The following RMDN2 variants were observed in gnomAD, a reference collection of about 807,000 sequenced individuals.
RMDN2 encodes regulator of microtubule dynamics protein 2.
RMDN2 carries 61 observed loss-of-function variants against 52.8 expected under a neutral mutation model. The ratio of observed to expected loss-of-function variants is 1.16; its 90% CI spans 0.94 to 1.43. The LOEUF (loss-of-function observed/expected upper bound fraction) is 1.43, where lower values mean the gene tolerates loss of function less well. RMDN2 is among the 40% of genes most tolerant of loss of function. The pLI is 0.00. For missense variants in RMDN2, 592 were observed against 475.3 expected, an observed-to-expected ratio of 1.25 and a Z score of -2.28; for synonymous variants, 180 against 153.1, an observed-to-expected ratio of 1.18 and a Z score of -1.30.
intron 1 of RMDN2, 93 bp downstream of exon 1, chr2:37,925,518 G>T (rs999582427): frequency 2.0e-5 from 3 of 152,686 alleles, no homozygotes; most frequent in African/African-American, 7.2e-5. Flanking sequence ...TTGCGGTGGG[G>T]GCGACTGCAC....
At chr2:38,056,921 G>C (rs1283437269) in intron 10 of RMDN2, among the ~76,000 whole-genome samples, 1 of 152,076 alleles carries the variant, frequency 6.6e-6, no homozygotes, top group Non-Finnish European at 1.5e-5. Flanking sequence ...GCCTCCACTT[G>C]CAATATGGAA....
At chr2:37,950,650 T>C (rs766754226) in intron 2 of RMDN2, 54 of 1,568,862 alleles carry the variant, frequency 3.4e-5, no homozygotes, top group Non-Finnish European at 4.2e-5. Context: ...AAAATATTCA[T>C]AAACGAAGCT....
chr2:37,979,743 A>G (rs1203614773), intron 4 of RMDN2, among the ~76,000 whole-genome samples: 2 of 152,236 alleles, frequency 1.3e-5, no homozygotes, highest in African/African-American at 4.8e-5. Flanking sequence ...TCTAGTTTGT[A>G]TACTACCCGG....
intron 2 of RMDN2, among the ~76,000 whole-genome samples, chr2:37,948,280 C>A (rs1281938687): frequency 2.0e-5 from 3 of 152,154 alleles, no homozygotes; most frequent in Non-Finnish European, 4.4e-5. Context: ...AAGCTTTGTT[C>A]TAGAAGATTT....
intron 10 of RMDN2, among the ~76,000 whole-genome samples, chr2:38,053,445 G>A (rs1681715787): frequency 1.3e-5 from 2 of 152,180 alleles, no homozygotes; most frequent in African/African-American, 4.8e-5. Flanking sequence ...AAATGCTGCT[G>A]AAGAAAGTGT....
At chr2:37,972,090 C>T (rs1191252855) in intron 2 of RMDN2, among the ~76,000 whole-genome samples, 1 of 151,950 alleles carries the variant, frequency 6.6e-6, no homozygotes, top group Non-Finnish European at 1.5e-5. Context: ...TATTCCTAGC[C>T]ATTTGATATT....
chr2:37,923,218 A>G (rs531488691), upstream of RMDN2: 2 of 152,322 alleles, frequency 1.3e-5, no homozygotes, highest in African/African-American at 4.8e-5. Flanking sequence ...AATGGTTGTC[A>G]CTGTCCCTGA....
intron 8 of RMDN2, among the ~76,000 whole-genome samples, chr2:38,001,372 C>T (rs544006351): frequency 6.6e-6 from 1 of 152,266 alleles, no homozygotes; most frequent in East Asian, 1.9e-4. Context: ...ATCATTGGAA[C>T]ATTACATTGA....
chr2:38,023,343 A>G (rs1461862590), intron 10 of RMDN2, among the ~76,000 whole-genome samples: 2 of 152,200 alleles, frequency 1.3e-5, no homozygotes, highest in East Asian at 3.9e-4. Flanking sequence ...GGAAAGGAAA[A>G]AAGAATTTTA....
chr2:38,004,467 C>CT (rs1447439207), intron 10 of RMDN2, among the ~76,000 whole-genome samples: 4 of 152,092 alleles, frequency 2.6e-5, no homozygotes, highest in Admixed American at 1.3e-4. Flanking sequence ...CACATAGTTA[C>CT]TTTTTTTATT....
intron 10 of RMDN2, chr2:38,027,449 T>C (rs995558425): frequency 2.0e-5 from 3 of 152,174 alleles, no homozygotes; most frequent in African/African-American, 7.2e-5. Flanking sequence ...AAAAATCTGC[T>C]CCTCACCACA....
intron 2 of RMDN2, among the ~76,000 whole-genome samples, chr2:37,932,269 G>T (rs554510941): frequency 6.6e-6 from 1 of 150,398 alleles, no homozygotes; most frequent in Non-Finnish European, 1.5e-5. Context: ...TGACTCTTAA[G>T]GAGCATGCTG....
chr2:37,992,978 G>T (rs1275967014), intron 7 of RMDN2, among the ~76,000 whole-genome samples: 1 of 152,014 alleles, frequency 6.6e-6, no homozygotes, highest in African/African-American at 2.4e-5. Flanking sequence ...GCAGTGGCAT[G>T]ATCTCGGCTC....
chr2:37,977,998 G>A (rs962260678), intron 4 of RMDN2, among the ~76,000 whole-genome samples: 1 of 152,164 alleles, frequency 6.6e-6, no homozygotes, highest in Non-Finnish European at 1.5e-5. Flanking sequence ...GTAGTGAGCC[G>A]AGATCACGCC....
rs531881021 is a variant in RMDN2, at chr2:38,044,681, G to T, written c.1714-22301G>T. 7.2e-5 allele frequency among the ~76,000 whole-genome samples: 11 copies of T among 151,944 alleles called. No individual in the cohort carries two copies. The South Asian group carries it at 2.3e-3, about 32-fold the overall frequency. On this transcript the variant is annotated intron_variant, in intron 10 of 10. Coordinates refer to the RMDN2 transcript ENST00000234195. Reference sequence around the variant, plus strand: ...ACTTGGTTGTGTTCACTCTGCTGATGAACTATCAAAGAATTCTATATTTTT... The same window carrying T: ...ACTTGGTTGTGTTCACTCTGCTGATTAACTATCAAAGAATTCTATATTTTT...
chr2:37,982,616 C>T (rs1254950261), intron 5 of RMDN2, among the ~76,000 whole-genome samples: 1 of 151,964 alleles, frequency 6.6e-6, no homozygotes, highest in East Asian at 1.9e-4. Flanking sequence ...TAGTGTGTCG[C>T]GGATGGATAG....
intron 5 of RMDN2, among the ~76,000 whole-genome samples, chr2:37,988,121 C>A (rs984497840): frequency 4.6e-5 from 7 of 152,130 alleles, no homozygotes; most frequent in African/African-American, 1.4e-4. Context: ...ATATGGGAAT[C>A]CTCCATACTT....
chr2:38,002,113 T>A (rs1360143575), intron 8 of RMDN2, among the ~76,000 whole-genome samples: 2 of 152,224 alleles, frequency 1.3e-5, no homozygotes, highest in Non-Finnish European at 2.9e-5. Flanking sequence ...TCTTTTGGAT[T>A]CTGTACAGAA....
intron 2 of RMDN2, among the ~76,000 whole-genome samples, chr2:37,971,619 T>A (rs141870867): frequency 6.6e-6 from 1 of 152,204 alleles, no homozygotes; most frequent in African/African-American, 2.4e-5. Flanking sequence ...ATGCCTGAAT[T>A]TCCTACTGAT....
Sources: gnomAD v4.1 joint callset for allele counts (sites outside exome capture counted in the v4.1 genomes callset) on GRCh38, gnomAD v4.1.1 for gene constraint, MANE v1.5 for transcripts, NCBI Gene and HGNC (gene_info 2026-07-23, HGNC 2026-07-21) for gene names.